The following DOCK1 variants were observed in gnomAD, a reference collection of about 807,000 sequenced individuals.
DOCK1 encodes the protein dedicator of cytokinesis 1.
In DOCK1, 138 loss-of-function variants were observed where a neutral mutation model predicts 262.7. The ratio of observed to expected loss-of-function variants is 0.53; its 90% CI spans 0.46 to 0.61. The LOEUF (loss-of-function observed/expected upper bound fraction) is 0.61, where lower values mean the gene tolerates loss of function less well. DOCK1 is among the 20% of genes least tolerant of loss of function. DOCK1 has a pLI of 0.00. For missense variants in DOCK1, 1,908 were observed against 2,370.7 expected (o/e 0.80, Z 4.05); for synonymous variants, 866 against 867.4 (o/e 1.00, Z 0.03).
chr10:127,437,416 A>G lies in DOCK1; in HGVS notation c.5061-1611A>G, dbSNP rs4553284. On this transcript the variant is annotated intron_variant, in intron 48 of 51. Coordinates refer to ENST00000623213, the MANE Select transcript of DOCK1 (RefSeq NM_001290223.2). The surrounding 1 kb of genome is among the most constrained non-coding windows in gnomAD (Gnocchi z 4.4). ...CATCTTACTCCCCATTATGGGACAC[A>G]CAACATGGAAATAATCAACAGTGAG... is the stretch of plus-strand genomic sequence containing the variant. Among the ~76,000 whole-genome samples, 98,958 of 151,886 alleles carry G rather than the reference A, an allele frequency of 0.65. 33,341 individuals are homozygous for G. Among genetic ancestry groups the G allele is most frequent in the African/African-American group, 0.83 (34,292 of 41,442 alleles).
At chr10:127,077,116 C>T (rs1031090997) in intron 23 of DOCK1, among the ~76,000 whole-genome samples, 1 of 152,042 alleles carries the variant, frequency 6.6e-6, no homozygotes, top group African/African-American at 2.4e-5. Context: ...CTACGAGGGC[C>T]GAGCGCGGTG....
chr10:127,296,991 GT>G (rs545627789), intron 29 of DOCK1, among the ~76,000 whole-genome samples: 3 of 152,202 alleles, frequency 2.0e-5, no homozygotes, highest in Non-Finnish European at 2.9e-5. Flanking sequence ...GTGGCCTCAT[GT>G]GAGCTTGGCT....
At chr10:127,450,631 G>T (rs144912202) in intron 51 of DOCK1, among the ~76,000 whole-genome samples, 4 of 152,304 alleles carry the variant, frequency 2.6e-5, no homozygotes, top group Non-Finnish European at 5.9e-5. Context: ...ATAGGGTGCA[G>T]CTGCCCTCAG....
intron 22 of DOCK1, among the ~76,000 whole-genome samples, chr10:127,060,700 A>G (rs1186026258): frequency 7.2e-5 from 11 of 151,936 alleles, no homozygotes; most frequent in Non-Finnish European, 1.2e-4. Flanking sequence ...AGTAACATAT[A>G]TTAGCATACA....
At chr10:127,392,891 C>G (rs1432352794) in intron 38 of DOCK1, among the ~76,000 whole-genome samples, 1 of 152,150 alleles carries the variant, frequency 6.6e-6, no homozygotes, top group Admixed American at 6.5e-5. Context: ...ATGGATCAGA[C>G]GGAGACAAAT....
intron 29 of DOCK1, among the ~76,000 whole-genome samples, chr10:127,313,350 A>G (rs1210972474): frequency 6.6e-6 from 1 of 152,324 alleles, no homozygotes; most frequent in African/African-American, 2.4e-5. Context: ...GCATGCAATG[A>G]CGGAATGGAA....
At chr10:126,981,603 T>C (rs1481842446) in intron 3 of DOCK1, among the ~76,000 whole-genome samples, 1 of 152,186 alleles carries the variant, frequency 6.6e-6, no homozygotes, top group Non-Finnish European at 1.5e-5. Flanking sequence ...AGACATCAGT[T>C]GGCCTTTGTT....
At chr10:127,059,020 A>G (rs1361369146) in intron 22 of DOCK1, among the ~76,000 whole-genome samples, 1 of 152,092 alleles carries the variant, frequency 6.6e-6, no homozygotes, top group Non-Finnish European at 1.5e-5. Context: ...TTGGCCAGTT[A>G]TGGGACTCTG....
At chr10:127,000,647 G>T (rs936271296) in intron 10 of DOCK1, 2 of 212,180 alleles carry the variant, frequency 9.4e-6, no homozygotes, top group Non-Finnish European at 1.9e-5. Flanking sequence ...GAATGGATAT[G>T]TGCAGGACGG....
intron 1 of DOCK1, among the ~76,000 whole-genome samples, chr10:126,945,723 C>T (rs1263187036): frequency 6.6e-6 from 1 of 152,160 alleles, no homozygotes; most frequent in Admixed American, 6.5e-5. Context: ...TTTTCCAGTC[C>T]CAAGAAACAC....
intron 29 of DOCK1, among the ~76,000 whole-genome samples, chr10:127,298,768 C>G (rs2061585416): frequency 6.6e-6 from 1 of 152,284 alleles, no homozygotes; most frequent in African/African-American, 2.4e-5. Flanking sequence ...GTTAGCAGAT[C>G]ATCTTTTTTG....
rs1053060603 is a variant in DOCK1, at chr10:127,096,914, G to A, written c.2446-9317G>A. On this transcript the variant is annotated intron_variant, in intron 23 of 51. Coordinates refer to ENST00000623213, the MANE Select transcript of DOCK1 (RefSeq NM_001290223.2). ...GAGGTCAGGAGTTCAACACCAGCCT[G>A]GCCAACATGGTGAAACCCCGTCTCT... 1.1e-4 allele frequency among the ~76,000 whole-genome samples: 16 copies of A among 152,148 alleles called. No homozygotes were observed. The East Asian group carries it at 2.9e-3, about 28-fold the overall frequency.
chr10:127,059,110 T>C (rs1194673149), intron 22 of DOCK1, among the ~76,000 whole-genome samples: 1 of 152,294 alleles, frequency 6.6e-6, no homozygotes, highest in Non-Finnish European at 1.5e-5. Flanking sequence ...TGGAAGTTAT[T>C]TTCTTCTTCC....
chr10:127,044,918 C>T (rs1047532251), intron 21 of DOCK1, among the ~76,000 whole-genome samples: 24 of 152,070 alleles, frequency 1.6e-4, no homozygotes, highest in Admixed American at 5.2e-4. Context: ...TCCTCATGGC[C>T]GGGTGGAGTG....
intron 32 of DOCK1, among the ~76,000 whole-genome samples, chr10:127,355,764 A>G (rs2064115592): frequency 6.6e-6 from 1 of 152,188 alleles, no homozygotes; most frequent in Non-Finnish European, 1.5e-5. Flanking sequence ...CAGCCTGCTT[A>G]CTTCCCAAGC....
At chr10:127,261,232 CGT>C (rs201600609) in intron 29 of DOCK1, among the ~76,000 whole-genome samples, 1 of 81,218 alleles carries the variant, frequency 1.2e-5, no homozygotes, top group African/African-American at 7.1e-5. Context: ...TGTGGGTGTG[CGT>C]GTGTGTACCT....
At chr10:127,153,884 G>A (rs748088890) in intron 27 of DOCK1, 3 of 1,613,712 alleles carry the variant, frequency 1.9e-6, no homozygotes, top group Non-Finnish European at 2.5e-6. Flanking sequence ...TCCTGCATGT[G>A]TCACAATTAG....
chr10:127,389,318 G>A (rs182017970), intron 38 of DOCK1, among the ~76,000 whole-genome samples: 5 of 152,330 alleles, frequency 3.3e-5, no homozygotes, highest in African/African-American at 9.6e-5. Flanking sequence ...GCCATCATTT[G>A]AGAAATAACG....
intron 44 of DOCK1, among the ~76,000 whole-genome samples, chr10:127,417,183 C>T (rs1267933020): frequency 6.6e-6 from 1 of 152,248 alleles, no homozygotes; most frequent in Non-Finnish European, 1.5e-5. Context: ...GCCCATCACG[C>T]TTCCTTTGGA....
Sources: allele counts gnomAD v4.1 joint callset (sites outside exome capture counted in the v4.1 genomes callset), GRCh38; gene constraint gnomAD v4.1.1; non-coding constraint Gnocchi (gnomAD v3.1); transcripts MANE v1.5; gene names NCBI Gene and HGNC (gene_info 2026-07-23, HGNC 2026-07-21).